CAB39: variants seen among roughly 807,000 people sequenced by gnomAD.
The protein encoded by CAB39 is calcium binding protein 39.
In CAB39, 8 loss-of-function variants were observed where a neutral mutation model predicts 40.0. The ratio of observed to expected loss-of-function variants is 0.20; its 90% CI spans 0.12 to 0.36. The LOEUF is 0.36. Ranked by LOEUF, CAB39 falls within the 10% of genes least tolerant of loss-of-function variation. The pLI, the probability that CAB39 is intolerant of heterozygous loss-of-function variation, is 1.00. For synonymous variants in CAB39, 156 were observed against 141.6 expected, an observed-to-expected ratio of 1.10 and a Z score of -0.72; for missense variants, 270 against 401.1, an observed-to-expected ratio of 0.67 and a Z score of 2.79.
intron 7 of CAB39, among the ~76,000 whole-genome samples, chr2:230,815,748 C>A (rs1161100513): frequency 1.3e-5 from 2 of 152,164 alleles, no homozygotes; most frequent in Non-Finnish European, 2.9e-5. Context: ...CATTTCCAAG[C>A]CCTTAGGAAT....
chr2:230,784,086 G>C (rs992984852), intron 2 of CAB39, among the ~76,000 whole-genome samples: 1 of 152,152 alleles, frequency 6.6e-6, no homozygotes, highest in Admixed American at 6.5e-5. Context: ...CAAGAGTTAT[G>C]GGAACTTTGA....
chr2:230,796,823 AAG>A (rs1230334352), intron 4 of CAB39, among the ~76,000 whole-genome samples: 2 of 152,172 alleles, frequency 1.3e-5, no homozygotes, highest in African/African-American at 4.8e-5. Flanking sequence ...ACAGGCAGAA[AAG>A]AGAGAAGGCA....
At chr2:230,776,709 G>A (rs577296934) in intron 2 of CAB39, among the ~76,000 whole-genome samples, 16 of 144,956 alleles carry the variant, frequency 1.1e-4, no homozygotes, top group Admixed American at 2.1e-4. Flanking sequence ...TTCCCCCCCC[G>A]AGATGGAGTC....
chr2:230,766,634 C>T (rs899873065), intron 2 of CAB39, among the ~76,000 whole-genome samples: 2 of 152,214 alleles, frequency 1.3e-5, no homozygotes, highest in Admixed American at 6.5e-5. Context: ...CTCCCGGGCT[C>T]AATCAGTCCT....
At chr2:230,801,687 CA>C (rs1696092461) in intron 5 of CAB39, among the ~76,000 whole-genome samples, 1 of 152,010 alleles carries the variant, frequency 6.6e-6, no homozygotes, top group Admixed American at 6.5e-5. Context: ...GCCTGGCCAA[CA>C]TGATGAAACC....
chr2:230,789,058 A>G (rs1367801779), intron 2 of CAB39, among the ~76,000 whole-genome samples: 1 of 152,200 alleles, frequency 6.6e-6, no homozygotes, highest in South Asian at 2.1e-4. Flanking sequence ...TAGCTCACTA[A>G]TGAGATGTCC....
intron 1 of CAB39, among the ~76,000 whole-genome samples, chr2:230,719,572 G>A (rs1032979203): frequency 2.0e-5 from 3 of 152,206 alleles, no homozygotes; most frequent in African/African-American, 7.2e-5. Flanking sequence ...TAGGCCAGTA[G>A]ATAGTATTTA....
intron 1 of CAB39, among the ~76,000 whole-genome samples, chr2:230,741,714 C>A (rs1025388140): frequency 2.0e-5 from 3 of 152,122 alleles, no homozygotes; most frequent in African/African-American, 7.2e-5. Flanking sequence ...TTTAAAATAT[C>A]CTCAAATCTT....
chr2:230,815,085 G>A (rs1696377330), intron 7 of CAB39, among the ~76,000 whole-genome samples: 2 of 152,190 alleles, frequency 1.3e-5, no homozygotes, highest in Admixed American at 6.5e-5. Context: ...AAAGACTAAA[G>A]GACACTAGGA....
chr2:230,809,328 A>T (rs1023563695), intron 5 of CAB39, among the ~76,000 whole-genome samples: 2 of 152,174 alleles, frequency 1.3e-5, no homozygotes, highest in African/African-American at 4.8e-5. Context: ...AACCTGGGCA[A>T]CCTTCAAACA....
intron 1 of CAB39, chr2:230,725,142 A>T: frequency 6.2e-7 from 1 of 1,613,186 alleles, no homozygotes; most frequent in Non-Finnish European, 8.5e-7. Flanking sequence ...CCCAGAGAGC[A>T]TCACAAGAAG....
At chr2:230,798,603 G>A (rs1180515424) in intron 4 of CAB39, 126 bp from the exon 5 acceptor site, 5 of 693,404 alleles carry the variant, frequency 7.2e-6, no homozygotes, top group African/African-American at 1.8e-5. Flanking sequence ...TGTAATCTGC[G>A]ATGGTCATTT....
At chr2:230,803,467 T>C (rs1362575548) in intron 5 of CAB39, among the ~76,000 whole-genome samples, 1 of 152,182 alleles carries the variant, frequency 6.6e-6, no homozygotes, top group Non-Finnish European at 1.5e-5. Context: ...AGTCAAATTG[T>C]CCCTGTTTGC....
In CAB39 at chr2:230,818,965, G is replaced by A. The variant is rs1696454683; in HGVS notation, c.*261G>A. The A allele has an allele frequency of 1.1e-5, 4 of 353,058 alleles. No homozygotes were observed. Among genetic ancestry groups the A allele is most frequent in the Non-Finnish European group, 2.1e-5 (4 of 187,910 alleles). The allele number at this position is 353,058 out of a possible 1,614,324, so 21.9% of individuals were successfully genotyped here. ...CTGTGCTACGGGAGTTCTGAACATG[G>A]CTGGGTTCATGAAGGCAAATGTATG... On this transcript the variant is annotated 3_prime_UTR_variant, in exon 9 of 9. Coordinates refer to ENST00000258418, the MANE Select transcript of CAB39 (RefSeq NM_016289.4).
chr2:230,790,376 C>G (rs1448026291), intron 2 of CAB39, among the ~76,000 whole-genome samples: 1 of 152,184 alleles, frequency 6.6e-6, no homozygotes, highest in Non-Finnish European at 1.5e-5. Context: ...TCACTAACAC[C>G]TTAGCTTTGC....
intron 2 of CAB39, among the ~76,000 whole-genome samples, chr2:230,790,315 C>T (rs371755431): frequency 6.6e-6 from 1 of 150,960 alleles, no homozygotes; most frequent in African/African-American, 2.4e-5. Flanking sequence ...GTAAATCTGG[C>T]CCTTCTCTAT....
At chr2:230,715,963 C>T (rs539225502) in intron 1 of CAB39, among the ~76,000 whole-genome samples, 47 of 152,336 alleles carry the variant, frequency 3.1e-4, no homozygotes, top group Admixed American at 2.9e-3. Context: ...TCCCAAAGTG[C>T]AGGGATTACA....
intron 2 of CAB39, among the ~76,000 whole-genome samples, chr2:230,785,597 G>C (rs1164680198): frequency 6.6e-6 from 1 of 152,206 alleles, no homozygotes; most frequent in East Asian, 1.9e-4. Context: ...TGTAGGTGGC[G>C]GGTGCAGTAT....
intron 1 of CAB39, among the ~76,000 whole-genome samples, chr2:230,733,806 G>A (rs373524583): frequency 6.6e-6 from 1 of 152,176 alleles, no homozygotes. Context: ...GAAATACCAG[G>A]AGTTTCACAA....
Sources: allele counts gnomAD v4.1 joint callset (sites outside exome capture counted in the v4.1 genomes callset), GRCh38; gene constraint gnomAD v4.1.1; transcripts MANE v1.5; gene names NCBI Gene and HGNC (gene_info 2026-07-23, HGNC 2026-07-21).